The following TSPAN11 variants were observed in gnomAD, a reference collection of about 807,000 sequenced individuals.
TSPAN11 encodes tetraspanin 11, also known as tetraspanin-11.
Under a neutral mutation model 32.9 loss-of-function variants are expected in TSPAN11, and 29 were observed. The observed-to-expected ratio is 0.88, with a 90% CI of 0.66 to 1.20. The LOEUF is 1.20. Ranked by LOEUF, TSPAN11 falls within the 50% of genes most tolerant of loss-of-function variation. The pLI is 0.00. For missense variants in TSPAN11, 283 were observed against 329.1 expected (o/e 0.86, Z 1.08); for synonymous variants, 140 against 141.3 (o/e 0.99, Z 0.07).
intron 3 of TSPAN11, among the ~76,000 whole-genome samples, chr12:30,968,704 G>T (rs998684637): frequency 6.6e-6 from 1 of 152,070 alleles, no homozygotes; most frequent in African/African-American, 2.4e-5. Flanking sequence ...GACTAAACTG[G>T]GTCTTTATTG....
At chr12:30,977,163 C>T (rs370744630) in intron 3 of TSPAN11, among the ~76,000 whole-genome samples, 17 of 152,348 alleles carry the variant, frequency 1.1e-4, no homozygotes, top group Admixed American at 7.8e-4. Flanking sequence ...GCCCCTCTCC[C>T]GTATTCCTTA....
intron 7 of TSPAN11, among the ~76,000 whole-genome samples, chr12:30,990,129 G>A (rs954810183): frequency 6.8e-6 from 1 of 147,568 alleles, no homozygotes; most frequent in Non-Finnish European, 1.5e-5. Flanking sequence ...GCTTCAGCGT[G>A]GTGTTCACGT....
intron 2 of TSPAN11, among the ~76,000 whole-genome samples, chr12:30,957,309 G>A (rs1291753270): frequency 6.6e-6 from 1 of 151,418 alleles, no homozygotes; most frequent in Non-Finnish European, 1.5e-5. Context: ...AGTCGAGGGG[G>A]ATATGCATTT....
chr12:30,993,484 C>CG lies in TSPAN11; in HGVS notation c.*1573dup, dbSNP rs1484109746. On this transcript the variant is annotated 3_prime_UTR_variant, in exon 8 of 8. Coordinates refer to ENST00000546076, the MANE Select transcript of TSPAN11 (RefSeq NM_001370302.1). ...ACATGGACAGAGGGAAGCCCAGCCT[C>CG]GGGGCCGGTTGCCTCCTCTTCTCTG... 1 of 152,336 alleles carries CG rather than the reference C, an allele frequency of 6.6e-6. No homozygotes were observed. The highest frequency in any genetic ancestry group is 1.5e-5 in the Non-Finnish European group (1 of 68,118). The allele number at this position is 152,336 out of a possible 1,614,324, so 9.4% of individuals were successfully genotyped here.
At chr12:30,989,213 T>A (rs1939262730) in intron 7 of TSPAN11, among the ~76,000 whole-genome samples, 1 of 152,198 alleles carries the variant, frequency 6.6e-6, no homozygotes, top group Admixed American at 6.5e-5. Flanking sequence ...AGGTGCTGTG[T>A]TAGCAGGAGT....
rs202193895 is a variant in TSPAN11, at chr12:30,983,164, C to T, written c.702+14C>T. 2.9e-4 allele frequency: 461 copies of T among 1,606,694 alleles called. 2 individuals are homozygous for T. Among genetic ancestry groups the T allele is most frequent in the Middle Eastern group, 1.7e-3 (10 of 6,038 alleles). ...GCCTGCCTGCAGGTGAGTTGCAGTG[C>T]GGGGACTGGTGGGGGTGGAAGGGCT... On this transcript the variant is annotated intron_variant, in intron 7 of 7. Transcript: ENST00000546076.
rs1027411623 is a variant in TSPAN11 at position 30,953,882 on chromosome 12, G to T, written c.-11-99G>T. On this transcript the variant is annotated intron_variant, in intron 1 of 7. Coordinates refer to ENST00000546076, the MANE Select transcript of TSPAN11 (RefSeq NM_001370302.1). ...CAAAGCCCCCGGCAGATAGGTTAAT[G>T]AGCCCTTTGAAGGGAGCCTTGCCAA... The T allele has an allele frequency of 1.0e-5, 8 of 792,800 alleles. No individual in the cohort carries two copies. The South Asian group carries it at 1.2e-4, about 12-fold the overall frequency. The allele number at this position is 792,800 out of a possible 1,614,324, so 49.1% of individuals were successfully genotyped here. A position where few individuals can be genotyped will look rare whatever the true frequency, so the allele number is the denominator to read the frequency against.
At position 30,995,446 on chromosome 12, in the gene TSPAN11, A is replaced by C. The variant is rs11051198; in HGVS notation, c.*3531A>C. ...TTCTGTCAGGGAGCTTGTGCTGTGC[A>C]TGGCCAGAGGTGTTTACATCCAGAA... On this transcript the variant is annotated 3_prime_UTR_variant, in exon 8 of 8. Transcript: ENST00000546076. The C allele has an allele frequency of 0.19, 28,664 of 152,402 alleles. 2,897 individuals carry two copies. Among genetic ancestry groups the C allele is most frequent in the East Asian group, 0.37 (1,888 of 5,160 alleles). 9.4% of individuals were successfully genotyped at this position (152,402 alleles called of 1,614,324 possible). A position where few individuals can be genotyped will look rare whatever the true frequency, so the allele number is the denominator to read the frequency against.
chr12:30,960,384 C>A (rs1033363017), intron 2 of TSPAN11, among the ~76,000 whole-genome samples: 1 of 152,010 alleles, frequency 6.6e-6, no homozygotes, highest in African/African-American at 2.4e-5. Flanking sequence ...AACTCCCCTC[C>A]GCAGAGGATC....
chr12:30,975,713 C>T lies in TSPAN11; in HGVS notation c.277-2848C>T, dbSNP rs1938956400. ...GCTTCCCCCGAGAAGTGGCGTGACACTGCCAGCTATCCAGGAGTATCCTAC... is the reference window on the plus strand; with the variant it reads ...GCTTCCCCCGAGAAGTGGCGTGACATTGCCAGCTATCCAGGAGTATCCTAC... On this transcript the variant is annotated intron_variant, in intron 3 of 7. Coordinates refer to ENST00000546076, the MANE Select transcript of TSPAN11 (RefSeq NM_001370302.1). This position sits in a 1 kb window ranked among gnomAD's most constrained non-coding sequence, Gnocchi z 4.5. Among the ~76,000 whole-genome samples, 1 of 151,840 alleles carries T rather than the reference C, an allele frequency of 6.6e-6. No homozygotes were observed. The highest frequency in any genetic ancestry group is 1.5e-5 in the Non-Finnish European group (1 of 67,976).
chr12:30,929,927 CTT>C (rs754196834), intron 1 of TSPAN11, among the ~76,000 whole-genome samples: 10 of 152,316 alleles, frequency 6.6e-5, no homozygotes, highest in Non-Finnish European at 1.5e-4. Flanking sequence ...ATTTACCACC[CTT>C]TTCTAAGCCC....
At chr12:30,982,191 C>A (rs1288093381) in intron 5 of TSPAN11, among the ~76,000 whole-genome samples, 1 of 152,182 alleles carries the variant, frequency 6.6e-6, no homozygotes, top group African/African-American at 2.4e-5. Flanking sequence ...ACCCTGGGCT[C>A]TGCCACCCAG....
intron 2 of TSPAN11, among the ~76,000 whole-genome samples, chr12:30,960,230 C>T (rs1938585762): frequency 6.6e-6 from 1 of 151,812 alleles, no homozygotes; most frequent in East Asian, 1.9e-4. Context: ...CCTGTCCAAC[C>T]CAGAGACTTT....
chr12:30,932,752 A>G (rs559667305), intron 1 of TSPAN11, among the ~76,000 whole-genome samples: 3 of 152,298 alleles, frequency 2.0e-5, no homozygotes, highest in South Asian at 2.1e-4. Context: ...TTACAACTCC[A>G]TGGAAGGAAC....
the TSPAN11 span, among the ~76,000 whole-genome samples, chr12:31,009,996 G>A: frequency 6.6e-6 from 1 of 152,202 alleles, no homozygotes; most frequent in Non-Finnish European, 1.5e-5. Flanking sequence ...AGATGAGCAG[G>A]CTGAGGCCTC....
the TSPAN11 span, among the ~76,000 whole-genome samples, chr12:31,007,373 C>T: frequency 6.6e-6 from 1 of 152,072 alleles, no homozygotes; most frequent in African/African-American, 2.4e-5. Context: ...ACCCTATTTT[C>T]CCCACTCCCA....
At position 30,985,932 on chromosome 12, in the gene TSPAN11, C is replaced by T. The variant is rs551970938; in HGVS notation, c.702+2782C>T. Among the ~76,000 whole-genome samples, 4 of 152,380 alleles carry T rather than the reference C, an allele frequency of 2.6e-5. No individual in the cohort carries two copies. The East Asian group carries it at 5.8e-4, about 22-fold the overall frequency. On this transcript the variant is annotated intron_variant, in intron 7 of 7. Transcript: ENST00000546076. ...TGCTATGGAATGGCTTTTGGTGGCT[C>T]TCAACCTCTTGCCCAGTTTTCTCTG...
intron 1 of TSPAN11, among the ~76,000 whole-genome samples, chr12:30,928,446 C>T (rs1002760896): frequency 1.3e-5 from 2 of 152,138 alleles, no homozygotes; most frequent in Non-Finnish European, 2.9e-5. Flanking sequence ...GACCCAGGGC[C>T]AACGCTGGAC....
At chr12:30,978,764 C>A in intron 4 of TSPAN11, 129 bp downstream of exon 4, 1 of 856,658 alleles carries the variant, frequency 1.2e-6, no homozygotes, top group Non-Finnish European at 1.9e-6. Flanking sequence ...CAGGCCCCGG[C>A]AATCCCCCTA....
Sources: allele counts gnomAD v4.1 joint callset (sites outside exome capture counted in the v4.1 genomes callset), GRCh38; gene constraint gnomAD v4.1.1; non-coding constraint Gnocchi (gnomAD v3.1); transcripts MANE v1.5; gene names NCBI Gene and HGNC (gene_info 2026-07-23, HGNC 2026-07-21).